SERINC4: variants seen among roughly 807,000 people sequenced by gnomAD.
The protein encoded by SERINC4 is serine incorporator 4.
A neutral mutation model predicts 52.0 loss-of-function variants in SERINC4; 52 were observed. The observed-to-expected ratio is 1.00, with a 90% CI of 0.80 to 1.26. SERINC4 has a LOEUF of 1.26. Ranked by LOEUF, SERINC4 falls within the 50% of genes most tolerant of loss-of-function variation. The pLI is 0.00. For missense variants in SERINC4, 723 were observed against 632.8 expected (o/e 1.14, Z -1.53); for synonymous variants, 264 against 247.7 (o/e 1.07, Z -0.62).
chr15:43,795,569 C>G (rs995502685), intron 10 of SERINC4, 28 bp from the exon 11 acceptor site: 1 of 1,613,822 alleles, frequency 6.2e-7, no homozygotes, highest in South Asian at 1.1e-5. Flanking sequence ...CTGCTGGGAG[C>G]AGAGCTGCTG....
chr15:43,797,172 G>A lies in SERINC4; in HGVS notation c.817C>T (p.Leu273Phe). 1.3e-6 allele frequency: 2 copies of A among 1,551,280 alleles called. No individual in the cohort carries two copies. The highest frequency in any genetic ancestry group is 1.7e-6 in the Non-Finnish European group (2 of 1,147,064). ...AGGCGGATGCAAGGAGCGATGGAGA[G>A]GAAGGAGATGAGGCCACAGAAGCAA... ...HLCFCGLISFLSIAPCIRLKQ... is the reference protein window; with the variant it reads ...HLCFCGLISFFSIAPCIRLKQ... Residue 273 changes from leucine (L) to phenylalanine (F), a missense_variant, in exon 6 of 12, where the codon CTC (leucine) becomes TTC (phenylalanine). Physicochemically the swap from Leu to Phe is conservative, Grantham distance 22. Coordinates refer to ENST00000319327, the MANE Select transcript of SERINC4 (RefSeq NM_001258031.2).
chr15:43,798,550 A>C (rs747663775), intron 3 of SERINC4, 46 bp from the exon 4 acceptor site: 45 of 1,424,648 alleles, frequency 3.2e-5, no homozygotes, highest in Non-Finnish European at 4.3e-5. Context: ...GAAAAGGCAA[A>C]GGACAGTGAA....
chr15:43,795,847 C>T (rs1356657755), intron 9 of SERINC4, 111 bp from the exon 10 acceptor site: 2 of 1,115,228 alleles, frequency 1.8e-6, no homozygotes, highest in Non-Finnish European at 2.5e-6. Context: ...GGAGGCACAC[C>T]TGGGTTCAAA....
rs1299963428 is a variant in SERINC4, at chr15:43,799,376, G to C, written c.213C>G (p.Ala71=). ...RLFYILLHVG[A]SAICCLLLSR... Reference sequence around the variant, plus strand: ...ACAGCAGGAGGCAGCAGATTGCTGAGGCCCCCACATGGAGGAGGATGTAGA... The same window carrying C: ...ACAGCAGGAGGCAGCAGATTGCTGACGCCCCCACATGGAGGAGGATGTAGA... The change falls in exon 2 of 12, where the codon GCC becomes GCG. Residue 71 remains alanine (A), a synonymous_variant. Transcript: ENST00000319327. 6.4e-7 allele frequency: 1 copy of C among 1,551,102 alleles called. No homozygotes were observed. The highest frequency in any genetic ancestry group is 2.4e-5 in the East Asian group (1 of 40,920).
At position 43,794,908 on chromosome 15, in the gene SERINC4, GTGTCCT is replaced by G; in HGVS notation, c.*86_*91del. 1 of 944,404 alleles carries G rather than the reference GTGTCCT, an allele frequency of 1.1e-6. No individual in the cohort carries two copies. Among genetic ancestry groups the G allele is most frequent in the Non-Finnish European group, 1.6e-6 (1 of 621,002 alleles). The allele number at this position is 944,404 out of a possible 1,614,324, so 58.5% of individuals were successfully genotyped here. On this transcript the variant is annotated 3_prime_UTR_variant, in exon 12 of 12. Transcript: ENST00000319327. ...AGCCCAAACGGAGATAACTCCCTGTGTGTCCTTGAGGTATTGAGCTGGGCTGGACAG... is the reference window on the plus strand; with the variant it reads ...AGCCCAAACGGAGATAACTCCCTGTGTGAGGTATTGAGCTGGGCTGGACAG...
At position 43,797,933 on chromosome 15, in the gene SERINC4, A is replaced by C. The variant is rs762293704; in HGVS notation, c.619T>G (p.Trp207Gly). Reference sequence around the variant, plus strand: ...TGTGCCCCTTACCAGTTCTTGTTCCAGGAATGGGCAAAAGCTGTAATAAGC... The same window carrying C: ...TGTGCCCCTTACCAGTTCTTGTTCCCGGAATGGGCAAAAGCTGTAATAAGC... ...LVLITAFAHSWNKNWQTGAAQ... is the reference protein window; with the variant it reads ...LVLITAFAHSGNKNWQTGAAQ... Residue 207 changes from tryptophan to glycine, a missense_variant, in exon 5 of 12, where the codon TGG becomes GGG. Physicochemically the swap from Trp to Gly is radical, Grantham distance 184. Transcript: ENST00000319327. The C allele has an allele frequency of 1.2e-6, 2 of 1,612,754 alleles. No homozygotes were observed. The highest frequency in any genetic ancestry group is 2.2e-5 in the South Asian group (2 of 91,050).
At chr15:43,797,746 T>C (rs1324600782) in intron 5 of SERINC4, 174 bp downstream of exon 5, 3 of 594,092 alleles carry the variant, frequency 5.0e-6, no homozygotes, top group Non-Finnish European at 9.2e-6. Flanking sequence ...AGAAGACTGG[T>C]GTGACTAGCC....
chr15:43,795,643 C>T, intron 10 of SERINC4, 45 bp downstream of exon 10: 1 of 1,611,078 alleles, frequency 6.2e-7, no homozygotes, highest in South Asian at 1.1e-5. Context: ...TTATGGCACT[C>T]CACAGAGATC....
Position 43,795,561 on chromosome 15 carries a change from G to C in SERINC4, c.1190-20C>G, listed in dbSNP as rs745858511. The C allele has an allele frequency of 1.9e-6, 3 of 1,614,034 alleles. No homozygotes were observed. In the Admixed American group the frequency reaches 5.0e-5, roughly 27 times the overall value. Reference sequence around the variant, plus strand: ...TTTGCCCTGGAGAGAGGAAATGGCTGCTGGGAGCAGAGCTGCTGAAACACC... The same window carrying C: ...TTTGCCCTGGAGAGAGGAAATGGCTCCTGGGAGCAGAGCTGCTGAAACACC... On this transcript the variant is annotated intron_variant, in intron 10 of 11. Coordinates refer to ENST00000319327, the MANE Select transcript of SERINC4 (RefSeq NM_001258031.2).
At position 43,797,914 on chromosome 15, in the gene SERINC4, C is replaced by T. The variant is rs1417035608; in HGVS notation, c.632+6G>A. On this transcript the variant is annotated splice_donor_region_variant and intron_variant, in intron 5 of 11. Transcript: ENST00000319327. ...GGAAAAGCCTTTAGGGTTATGTGCC[C>T]CTTACCAGTTCTTGTTCCAGGAATG... is the stretch of plus-strand genomic sequence containing the variant. The T allele has an allele frequency of 1.2e-6, 2 of 1,606,696 alleles. No individual in the cohort carries two copies. The highest frequency in any genetic ancestry group is 1.7e-5 in the Admixed American group (1 of 59,962).
At chr15:43,796,002 GTATC>G (rs759225469) in intron 9 of SERINC4, 149 bp downstream of exon 9, 16 of 677,300 alleles carry the variant, frequency 2.4e-5, no homozygotes, top group East Asian at 1.0e-4. Flanking sequence ...TTATGTAAAA[GTATC>G]TAGCACAGTT....
In SERINC4 at chr15:43,800,166, G is replaced by A; in HGVS notation, c.-180C>T. The A allele has an allele frequency of 1.7e-6, 1 of 594,328 alleles. No homozygotes were observed. The highest frequency in any genetic ancestry group is 2.1e-5 in the South Asian group (1 of 48,422). 36.8% of individuals were successfully genotyped at this position (594,328 alleles called of 1,614,324 possible). A position where few individuals can be genotyped will look rare whatever the true frequency, so the allele number is the denominator to read the frequency against. ...AGGTTGCGGTAAATGCAAATGCCCT[G>A]TGAAGGAGCTTTGTCCTTAGGGCCT... On this transcript the variant is annotated 5_prime_UTR_variant, in exon 1 of 12. Coordinates refer to ENST00000319327, the MANE Select transcript of SERINC4 (RefSeq NM_001258031.2).
Position 43,797,902 on chromosome 15 carries a change from G to C in SERINC4, c.632+18C>G. The C allele has an allele frequency of 6.3e-7, 1 of 1,585,036 alleles. No homozygotes were observed. The highest frequency in any genetic ancestry group is 8.7e-7 in the Non-Finnish European group (1 of 1,153,808). On this transcript the variant is annotated intron_variant, in intron 5 of 11. Transcript: ENST00000319327. The stretch of plus-strand genomic sequence containing the variant: ...GAAACCTCCCCAGGAAAAGCCTTTA[G>C]GGTTATGTGCCCCTTACCAGTTCTT...
chr15:43,796,504 C>T (rs892000491), intron 8 of SERINC4, 112 bp downstream of exon 8: 1 of 1,207,472 alleles, frequency 8.3e-7, no homozygotes, highest in Non-Finnish European at 1.2e-6. Context: ...GAGCTTTTCT[C>T]ACTCTAGTCT....
intron 3 of SERINC4, 63 bp from the exon 4 acceptor site, chr15:43,798,567 C>A: frequency 7.8e-7 from 1 of 1,283,544 alleles, no homozygotes; most frequent in South Asian, 1.2e-5. Context: ...TGAAGAGTGC[C>A]TATGGGGAAA....
chr15:43,797,564 T>C (rs781315438), intron 5 of SERINC4: 19 of 555,312 alleles, frequency 3.4e-5, no homozygotes, highest in Admixed American at 2.2e-4. Context: ...AGCTAACTTT[T>C]ATATTTTTAC....
At position 43,797,903 on chromosome 15, in the gene SERINC4, G is replaced by T; in HGVS notation, c.632+17C>A. 1 of 1,587,218 alleles carries T rather than the reference G, an allele frequency of 6.3e-7. No individual in the cohort carries two copies. The highest frequency in any genetic ancestry group is 8.7e-7 in the Non-Finnish European group (1 of 1,155,868). ...AAACCTCCCCAGGAAAAGCCTTTAGGGTTATGTGCCCCTTACCAGTTCTTG... is the reference window on the plus strand; with the variant it reads ...AAACCTCCCCAGGAAAAGCCTTTAGTGTTATGTGCCCCTTACCAGTTCTTG... On this transcript the variant is annotated intron_variant, in intron 5 of 11. Transcript: ENST00000319327.
chr15:43,797,689 C>G (rs2141693277), intron 5 of SERINC4: 1 of 544,938 alleles, frequency 1.8e-6, no homozygotes, highest in East Asian at 3.2e-5. Context: ...CCGTGCCCAG[C>G]TGGAGCTCCA....
intron 8 of SERINC4, 110 bp downstream of exon 8, chr15:43,796,506 C>G: frequency 8.0e-7 from 1 of 1,249,136 alleles, no homozygotes; most frequent in Non-Finnish European, 1.1e-6. Context: ...GCTTTTCTCA[C>G]TCTAGTCTTG....
Sources: gnomAD v4.1 joint callset for allele counts on GRCh38, gnomAD v4.1.1 for gene constraint, MANE v1.5 for transcripts, NCBI Gene and HGNC (gene_info 2026-07-23, HGNC 2026-07-21) for gene names.